The following PPARGC1A variants were observed in gnomAD, a reference collection of about 807,000 sequenced individuals.
PPARGC1A encodes the protein peroxisome proliferator-activated receptor gamma coactivator 1-alpha.
A neutral mutation model predicts 88.7 loss-of-function variants in PPARGC1A; 25 were observed. The observed-to-expected ratio is 0.28, with a 90% CI of 0.21 to 0.39. The LOEUF (loss-of-function observed/expected upper bound fraction) is 0.39. Ranked by LOEUF, PPARGC1A falls within the 10% of genes least tolerant of loss-of-function variation. The pLI is 1.00. For synonymous variants in PPARGC1A, 363 were observed against 355.6 expected (o/e 1.02, Z -0.24); for missense variants, 880 against 968.7 (o/e 0.91, Z 1.22).
At chr4:24,091,194 G>A in the PPARGC1A span, among the ~76,000 whole-genome samples, 8 of 152,312 alleles carry the variant, frequency 5.3e-5, no homozygotes, top group East Asian at 1.2e-3. Context: ...CCTGCAACTT[G>A]TTAATTCAAG....
intron 12 of PPARGC1A, among the ~76,000 whole-genome samples, chr4:23,799,326 C>A (rs1385751483): frequency 6.7e-6 from 1 of 149,928 alleles, no homozygotes; most frequent in African/African-American, 2.4e-5. Flanking sequence ...TAAATTATAA[C>A]CATAGCCACT....
the PPARGC1A span, among the ~76,000 whole-genome samples, chr4:24,019,994 T>G: frequency 6.0e-3 from 912 of 152,314 alleles, 11 homozygotes; most frequent in African/African-American, 0.021. Flanking sequence ...AGCACACTCA[T>G]AGAGAAATTA....
At chr4:24,068,270 G>A in the PPARGC1A span, among the ~76,000 whole-genome samples, 3 of 152,162 alleles carry the variant, frequency 2.0e-5, no homozygotes, top group African/African-American at 4.8e-5. Context: ...AGAGGAAAGC[G>A]GCAGAGCACA....
the PPARGC1A span, among the ~76,000 whole-genome samples, chr4:24,339,761 C>T: frequency 1.3e-5 from 2 of 152,170 alleles, no homozygotes; most frequent in African/African-American, 2.4e-5. Flanking sequence ...TTTTTTCAGA[C>T]GGAGTCTAGC....
the PPARGC1A span, among the ~76,000 whole-genome samples, chr4:24,248,770 G>A: frequency 1.3e-5 from 2 of 152,180 alleles, no homozygotes; most frequent in Non-Finnish European, 2.9e-5. Flanking sequence ...GCAGGGGAAC[G>A]TCTAATTCTG....
rs1446511072 is a variant in PPARGC1A, at chr4:23,795,670, CTTG to C, written c.*149_*151del. On this transcript the variant is annotated 3_prime_UTR_variant, in exon 13 of 13. Transcript: ENST00000264867. ...CATTGTTGTTATTGTTGTTGTTGTT[CTTG>C]TTGTATTGTTGTTGTTTTGTTTTGT... The C allele has an allele frequency of 1.8e-6, 1 of 566,750 alleles. No individual in the cohort carries two copies. The highest frequency in any genetic ancestry group is 3.7e-5 in the Admixed American group (1 of 26,806). 35.1% of individuals were successfully genotyped at this position (566,750 alleles called of 1,614,324 possible).
At chr4:24,339,556 T>C in the PPARGC1A span, among the ~76,000 whole-genome samples, 1 of 152,114 alleles carries the variant, frequency 6.6e-6, no homozygotes, top group Non-Finnish European at 1.5e-5. Context: ...CTGCGCTCAA[T>C]TAATGCCCGT....
chr4:24,470,841 A>T, the PPARGC1A span, among the ~76,000 whole-genome samples: 1 of 151,682 alleles, frequency 6.6e-6, no homozygotes, highest in Non-Finnish European at 1.5e-5. The surrounding 1 kb of genome is among the most constrained non-coding windows in gnomAD (Gnocchi z 5.8). Context: ...GGATGGCCGC[A>T]GCGCTTTCTG....
At chr4:24,265,243 C>G in the PPARGC1A span, among the ~76,000 whole-genome samples, 4 of 152,124 alleles carry the variant, frequency 2.6e-5, no homozygotes, top group Admixed American at 2.6e-4. Context: ...TATTTTTGTG[C>G]ACACCAAGAA....
At chr4:24,399,372 T>C in the PPARGC1A span, among the ~76,000 whole-genome samples, 2 of 152,240 alleles carry the variant, frequency 1.3e-5, no homozygotes, top group African/African-American at 4.8e-5. Flanking sequence ...GAAAAAAGTA[T>C]ATTAAGTACA....
the PPARGC1A span, among the ~76,000 whole-genome samples, chr4:24,270,103 T>C: frequency 6.6e-6 from 1 of 152,312 alleles, no homozygotes; most frequent in South Asian, 2.1e-4. Context: ...ATCCAATGTC[T>C]TGAAGACTTG....
intron 12 of PPARGC1A, among the ~76,000 whole-genome samples, chr4:23,798,178 C>G (rs60902745): frequency 6.6e-6 from 1 of 152,146 alleles, no homozygotes; most frequent in Non-Finnish European, 1.5e-5. Context: ...CCGCCTGCAC[C>G]CAGGTGAAAT....
chr4:24,139,873 C>T, the PPARGC1A span, among the ~76,000 whole-genome samples: 9 of 152,332 alleles, frequency 5.9e-5, no homozygotes, highest in East Asian at 1.9e-4. Flanking sequence ...TAGTCCATTA[C>T]GGCTCAATTA....
At chr4:24,194,623 C>T in the PPARGC1A span, among the ~76,000 whole-genome samples, 59 of 2,218 alleles carry the variant, frequency 0.027, 2 homozygotes, top group Admixed American at 0.18. Context: ...CGCGCGCGCA[C>T]GCGCGCGCAC....
chr4:24,406,874 A>T, the PPARGC1A span, among the ~76,000 whole-genome samples: 1 of 152,174 alleles, frequency 6.6e-6, no homozygotes, highest in Admixed American at 6.5e-5. Context: ...AGAGGCCAGA[A>T]ATGCTGTCTT....
At chr4:24,159,786 A>G in the PPARGC1A span, among the ~76,000 whole-genome samples, 1 of 152,136 alleles carries the variant, frequency 6.6e-6, no homozygotes, top group African/African-American at 2.4e-5. Context: ...TTTATATAAA[A>G]CTTCTTAGAG....
At chr4:24,050,823 A>G in the PPARGC1A span, among the ~76,000 whole-genome samples, 3 of 152,166 alleles carry the variant, frequency 2.0e-5, no homozygotes, top group Admixed American at 2.0e-4. Context: ...TTTATTTCAA[A>G]AGCAATTTTA....
chr4:23,919,710 T>C, the PPARGC1A span, among the ~76,000 whole-genome samples: 4 of 151,886 alleles, frequency 2.6e-5, no homozygotes, highest in Admixed American at 6.6e-5. Flanking sequence ...AGGATTTGAG[T>C]GATGGCCCTT....
chr4:24,194,605 G>A, the PPARGC1A span, among the ~76,000 whole-genome samples: 1 of 114,566 alleles, frequency 8.7e-6, no homozygotes, highest in African/African-American at 2.8e-5. Flanking sequence ...CCAGTGGGCT[G>A]GCACACACGC....
Sources: allele counts gnomAD v4.1 joint callset (sites outside exome capture counted in the v4.1 genomes callset), GRCh38; gene constraint gnomAD v4.1.1; non-coding constraint Gnocchi (gnomAD v3.1); transcripts MANE v1.5; gene names NCBI Gene and HGNC (gene_info 2026-07-23, HGNC 2026-07-21).